The following ACSM3 variants were observed in gnomAD, a reference collection of about 807,000 sequenced individuals.
ACSM3 encodes acyl-coenzyme A synthetase ACSM3, mitochondrial.
In ACSM3, 61 loss-of-function variants were observed where a neutral mutation model predicts 74.1. The observed-to-expected ratio is 0.82, with a 90% CI of 0.67 to 1.02. The LOEUF is 1.02. ACSM3 is among the 50% of genes least tolerant of loss of function. ACSM3 has a pLI of 0.00. For missense variants in ACSM3, 660 were observed against 697.0 expected (o/e 0.95, Z 0.60); for synonymous variants, 213 against 241.5 (o/e 0.88, Z 1.09).
intron 4 of ACSM3, among the ~76,000 whole-genome samples, chr16:20,779,046 C>T (rs1198348778): frequency 1.3e-5 from 2 of 152,118 alleles, no homozygotes; most frequent in South Asian, 2.1e-4. Flanking sequence ...CCACTGCGCC[C>T]GGCCTATAGA....
intron 1 of ACSM3, among the ~76,000 whole-genome samples, chr16:20,727,123 G>A (rs912699030): frequency 6.6e-6 from 1 of 152,164 alleles, no homozygotes; most frequent in Non-Finnish European, 1.5e-5. Flanking sequence ...CTGCTAAAAT[G>A]TAAGCTGTCA....
In ACSM3 at chr16:20,770,114, C is replaced by T. The variant is rs776330894; in HGVS notation, c.80C>T (p.Ala27Val). The T allele has an allele frequency of 2.5e-6, 4 of 1,614,000 alleles. No individual in the cohort carries two copies. Among genetic ancestry groups the T allele is most frequent in the Middle Eastern group, 1.6e-4 (1 of 6,084 alleles). ...QRLAIFGSVRALHKDNRTATP... is the reference protein window; with the variant it reads ...QRLAIFGSVRVLHKDNRTATP... ...CTAGCAATTTTTGGTTCTGTGAGGGCACTGCATAAAGATAATAGAACAGCA... is the reference window on the plus strand; with the variant it reads ...CTAGCAATTTTTGGTTCTGTGAGGGTACTGCATAAAGATAATAGAACAGCA... Residue 27 changes from alanine to valine, a missense_variant, in exon 2 of 14, where the codon GCA (alanine) becomes GTA (valine). Physicochemically the swap from Ala to Val is moderately conservative, Grantham distance 64. Coordinates refer to ENST00000289416, the MANE Select transcript of ACSM3 (RefSeq NM_005622.4).
At chr16:20,742,813 A>ATATATATATATTTTT (rs61582869) in intron 1 of ACSM3, among the ~76,000 whole-genome samples, 10 of 66,820 alleles carry the variant, frequency 1.5e-4, no homozygotes, top group South Asian at 4.4e-4. Context: ...ATATATATAT[A>ATATATATATATTTTT]TTTTTTTTTT....
chr16:20,785,340 A>G (rs370252816), intron 8 of ACSM3, among the ~76,000 whole-genome samples: 5 of 152,234 alleles, frequency 3.3e-5, no homozygotes, highest in East Asian at 1.9e-4. Context: ...GAGTAAGGGC[A>G]TTACAATATT....
chr16:20,776,786 A>T (rs2080261045), intron 3 of ACSM3, among the ~76,000 whole-genome samples: 1 of 152,178 alleles, frequency 6.6e-6, no homozygotes, highest in Non-Finnish European at 1.5e-5. Flanking sequence ...ATTATACTTC[A>T]TCTTACAGTG....
At chr16:20,698,202 A>AG (rs1387462701) in intron 1 of ACSM3, among the ~76,000 whole-genome samples, 1 of 151,680 alleles carries the variant, frequency 6.6e-6, no homozygotes, top group Admixed American at 6.6e-5. Context: ...AAAAAAAAAA[A>AG]AAAAGAAAAA....
At chr16:20,758,259 G>T (rs1487407161) in intron 3 of ACSM3, among the ~76,000 whole-genome samples, 2 of 152,150 alleles carry the variant, frequency 1.3e-5, no homozygotes, top group Admixed American at 1.3e-4. Context: ...GAATCCATCT[G>T]GTCCTGGATT....
intron 1 of ACSM3, chr16:20,741,481 G>GGGGGGGGGGGGGGGGC: frequency 1.6e-5 from 21 of 1,308,408 alleles, no homozygotes; most frequent in Non-Finnish European, 1.9e-5. Context: ...CTGGCAGCCG[G>GGGGGGGGGGGGGGGGC]CCCGCCCGCC....
At chr16:20,768,638 G>GT (rs1480459267) in intron 1 of ACSM3, among the ~76,000 whole-genome samples, 14 of 151,906 alleles carry the variant, frequency 9.2e-5, no homozygotes, top group South Asian at 4.2e-4. Context: ...AGGCATCAGA[G>GT]TATTTTTTTT....
chr16:20,733,167 T>C (rs1023952490), intron 1 of ACSM3, among the ~76,000 whole-genome samples: 17 of 152,090 alleles, frequency 1.1e-4, no homozygotes, highest in Non-Finnish European at 1.9e-4. Context: ...TGGATGAAAA[T>C]TGTTTCAATA....
At chr16:20,741,248 A>C (rs1483874410) in intron 1 of ACSM3, among the ~76,000 whole-genome samples, 1 of 152,188 alleles carries the variant, frequency 6.6e-6, no homozygotes, top group Non-Finnish European at 1.5e-5. Context: ...CTGTCTCACA[A>C]AAATAAAAAT....
intron 9 of ACSM3, chr16:20,789,692 T>TC: frequency 1.6e-6 from 1 of 626,058 alleles, no homozygotes; most frequent in Non-Finnish European, 2.7e-6. Context: ...TTCTTTTTTT[T>TC]TTTTTTTTTT....
intron 1 of ACSM3, among the ~76,000 whole-genome samples, chr16:20,717,909 AAAG>A (rs201285322): frequency 2.6e-4 from 38 of 146,588 alleles, no homozygotes; most frequent in African/African-American, 8.8e-4. Flanking sequence ...AGGAGGAAAA[AAAG>A]AAGAAGAAGG....
At chr16:20,690,858 G>A in intron 1 of ACSM3, 2 of 783,612 alleles carry the variant, frequency 2.6e-6, no homozygotes, top group Non-Finnish European at 3.9e-6. Flanking sequence ...ATAGAACCTT[G>A]AAATATAAGC....
intron 1 of ACSM3, among the ~76,000 whole-genome samples, chr16:20,744,085 C>T (rs554986726): frequency 2.2e-4 from 33 of 152,276 alleles, no homozygotes; most frequent in African/African-American, 7.2e-4. Flanking sequence ...GAAATTCAAC[C>T]GGCCCAACAC....
chr16:20,698,923 A>G (rs2079704557), intron 1 of ACSM3: 1 of 152,220 alleles, frequency 6.6e-6, no homozygotes, highest in Admixed American at 6.5e-5. Flanking sequence ...AAAAGCATGT[A>G]GCACACGGTG....
At chr16:20,746,137 T>C (rs1287438377) in intron 1 of ACSM3, among the ~76,000 whole-genome samples, 1 of 152,166 alleles carries the variant, frequency 6.6e-6, no homozygotes, top group African/African-American at 2.4e-5. Flanking sequence ...AAAATAATAA[T>C]AATGGAAATA....
At chr16:20,769,116 G>T (rs1043621755) in intron 1 of ACSM3, among the ~76,000 whole-genome samples, 12 of 152,220 alleles carry the variant, frequency 7.9e-5, no homozygotes, top group African/African-American at 2.9e-4. Context: ...CACACAGCTA[G>T]AATTGTAGTT....
intron 1 of ACSM3, among the ~76,000 whole-genome samples, chr16:20,687,802 G>A (rs538904570): frequency 1.6e-4 from 25 of 151,992 alleles, no homozygotes; most frequent in Non-Finnish European, 3.1e-4. Flanking sequence ...AAAAGAACCC[G>A]GCCAGGCACG....
Sources: gnomAD v4.1 joint callset for allele counts (sites outside exome capture counted in the v4.1 genomes callset) on GRCh38, gnomAD v4.1.1 for gene constraint, MANE v1.5 for transcripts, NCBI Gene and HGNC (gene_info 2026-07-23, HGNC 2026-07-21) for gene names.